The following CRISP2 variants were observed in gnomAD, a reference collection of about 807,000 sequenced individuals.
CRISP2 encodes the protein cysteine-rich secretory protein 2.
Under a neutral mutation model 31.7 loss-of-function variants are expected in CRISP2, and 29 were observed. The observed-to-expected ratio is 0.92, with a 90% CI of 0.68 to 1.25. The LOEUF (loss-of-function observed/expected upper bound fraction) is 1.25, where lower values mean the gene tolerates loss of function less well. CRISP2 is among the 50% of genes most tolerant of loss of function. The pLI, the probability that CRISP2 is intolerant of heterozygous loss-of-function variation, is 0.00. For missense variants in CRISP2, 318 were observed against 286.5 expected (o/e 1.11, Z -0.79); for synonymous variants, 111 against 101.4 (o/e 1.09, Z -0.57).
At chr6:49,691,581 A>G (rs758462103), downstream of CRISP2, among the ~76,000 whole-genome samples, 3 of 151,994 alleles carry the variant, frequency 2.0e-5, no homozygotes, top group Admixed American at 6.6e-5. Context: ...CATGATAGCG[A>G]TAGATCTCTC....
intron 8 of CRISP2, among the ~76,000 whole-genome samples, chr6:49,696,350 C>A (rs1764747001): frequency 6.6e-6 from 1 of 151,938 alleles, no homozygotes. Context: ...GTTAAAATAT[C>A]ATTTTCCATT....
At chr6:49,698,186 T>G (rs984951906) in intron 7 of CRISP2, among the ~76,000 whole-genome samples, 176 bp downstream of exon 7, 3 of 152,156 alleles carry the variant, frequency 2.0e-5, no homozygotes, top group Non-Finnish European at 4.4e-5. Context: ...GCTTTCCTAC[T>G]AAGAGTTTGG....
downstream of CRISP2, chr6:49,692,260 T>TA (rs3839534): frequency 0.59 from 90,355 of 151,980 alleles, 27,466 homozygotes; most frequent in East Asian, 0.8. Flanking sequence ...ATGAATGGTA[T>TA]AAATATTGCA....
chr6:49,689,802 TC>T (rs1338793180), downstream of CRISP2, among the ~76,000 whole-genome samples: 1 of 152,030 alleles, frequency 6.6e-6, no homozygotes, highest in African/African-American at 2.4e-5. Flanking sequence ...CTAATCAGAA[TC>T]CCCCTCTCCT....
chr6:49,704,367 C>T (rs1766630623), intron 4 of CRISP2, among the ~76,000 whole-genome samples: 1 of 152,004 alleles, frequency 6.6e-6, no homozygotes, highest in Non-Finnish European at 1.5e-5. Context: ...TCAGAGATTT[C>T]TTCTTGGTTT....
chr6:49,703,187 T>C, intron 4 of CRISP2, among the ~76,000 whole-genome samples: 1 of 140,936 alleles, frequency 7.1e-6, no homozygotes, highest in Admixed American at 6.9e-5. Context: ...GTGCCTATTT[T>C]TATACCAGTA....
At chr6:49,694,673 C>A (rs1764445506) in intron 9 of CRISP2, among the ~76,000 whole-genome samples, 1 of 152,058 alleles carries the variant, frequency 6.6e-6, no homozygotes, top group Non-Finnish European at 1.5e-5. Flanking sequence ...GATACCATGA[C>A]AGATGAATTC....
At chr6:49,677,540 C>A in the CRISP2 span, among the ~76,000 whole-genome samples, 1 of 152,176 alleles carries the variant, frequency 6.6e-6, no homozygotes, top group Non-Finnish European at 1.5e-5. Flanking sequence ...TGTTCTTTCA[C>A]ATACACTTAC....
In CRISP2 at chr6:49,701,578, CGT is replaced by C. The variant is rs553634563; in HGVS notation, c.67-796_67-795del. ...ATATGGCTTTTATGGCTGAGTATTA[CGT>C]GTGTGTGTATATATATACACACACA... is the stretch of plus-strand genomic sequence containing the variant. On this transcript the variant is annotated intron_variant, in intron 4 of 9. Coordinates refer to ENST00000339139, the MANE Select transcript of CRISP2 (RefSeq NM_003296.4). Among the ~76,000 whole-genome samples the C allele has an allele frequency of 1.6e-4, 14 of 87,140 alleles. 1 individual carries two copies. The highest frequency in any genetic ancestry group is 2.4e-4 in the Non-Finnish European group (11 of 45,682). 57.2% of individuals were successfully genotyped at this position (87,140 alleles called of 152,430 possible). A position where few individuals can be genotyped will look rare whatever the true frequency, so the allele number is the denominator to read the frequency against.
At chr6:49,691,129 G>C (rs2127379592), downstream of CRISP2, among the ~76,000 whole-genome samples, 1 of 152,076 alleles carries the variant, frequency 6.6e-6, no homozygotes, top group East Asian at 1.9e-4. Flanking sequence ...AAATTTTAAA[G>C]AAAACTCTGT....
At chr6:49,708,930 G>A (rs982366948) in intron 4 of CRISP2, among the ~76,000 whole-genome samples, 5 of 152,044 alleles carry the variant, frequency 3.3e-5, no homozygotes, top group East Asian at 1.9e-4. Context: ...ACATGTGACC[G>A]GTGGCTAGCA....
At chr6:49,683,678 AAAAAAAAAAAAAAAAAATATAT>A in the CRISP2 span, among the ~76,000 whole-genome samples, 75 of 32,762 alleles carry the variant, frequency 2.3e-3, no homozygotes, top group African/African-American at 6.2e-3. Flanking sequence ...AAAAAAAAAA[AAAAAAAAAAAAAAAAAATATAT>A]ATATATATAT....
the CRISP2 span, among the ~76,000 whole-genome samples, chr6:49,682,525 TCCTTCCTTCC>T: frequency 7.6e-6 from 1 of 131,902 alleles, no homozygotes; most frequent in Admixed American, 8.0e-5. Context: ...TTCCTCCTTC[TCCTTCCTTCC>T]CACCTCCCTC....
chr6:49,708,949 C>G (rs1428073944), intron 4 of CRISP2, among the ~76,000 whole-genome samples, 182 bp downstream of exon 4: 5 of 152,138 alleles, frequency 3.3e-5, no homozygotes, highest in Non-Finnish European at 7.4e-5. Flanking sequence ...CATACACATG[C>G]AGAACACATA....
chr6:49,699,597 A>G (rs1010562897), intron 6 of CRISP2, among the ~76,000 whole-genome samples: 1 of 152,182 alleles, frequency 6.6e-6, no homozygotes, highest in Non-Finnish European at 1.5e-5. Flanking sequence ...TGCAAGAAGC[A>G]AAATTATTTG....
intron 4 of CRISP2, among the ~76,000 whole-genome samples, chr6:49,705,600 C>A (rs1204195900): frequency 6.6e-6 from 1 of 152,196 alleles, no homozygotes; most frequent in South Asian, 2.1e-4. Context: ...GAAGTCTCCT[C>A]CCTGTGGCCC....
chr6:49,692,949 A>G (rs1764162857), intron 9 of CRISP2, 49 bp from the exon 10 acceptor site: 4 of 1,600,952 alleles, frequency 2.5e-6, no homozygotes, highest in Middle Eastern at 1.7e-4. Flanking sequence ...CCTCAGTAAG[A>G]GCAAAACCAT....
chr6:49,710,946 C>T (rs1277655298), intron 3 of CRISP2, among the ~76,000 whole-genome samples: 2 of 152,096 alleles, frequency 1.3e-5, no homozygotes, highest in African/African-American at 4.8e-5. Context: ...CTGGAAAGCA[C>T]AGTGAGACCT....
chr6:49,692,951 C>A (rs1764163245), intron 9 of CRISP2, 51 bp from the exon 10 acceptor site: 1 of 1,593,684 alleles, frequency 6.3e-7, no homozygotes, highest in South Asian at 1.1e-5. Context: ...TCAGTAAGAG[C>A]AAAACCATAC....
Sources: allele counts gnomAD v4.1 joint callset (sites outside exome capture counted in the v4.1 genomes callset), GRCh38; gene constraint gnomAD v4.1.1; transcripts MANE v1.5; gene names NCBI Gene and HGNC (gene_info 2026-07-23, HGNC 2026-07-21).